GRID2: variants seen among roughly 807,000 people sequenced by gnomAD.
GRID2 encodes the protein glutamate receptor ionotropic, delta-2.
A neutral mutation model predicts 114.8 loss-of-function variants in GRID2; 33 were observed. That is an observed-to-expected ratio of 0.29 (90% CI 0.22 to 0.38). The LOEUF (loss-of-function observed/expected upper bound fraction) is 0.38, where lower values mean the gene tolerates loss of function less well. Among genes scored for constraint, GRID2 ranks in the 10% least tolerant of loss-of-function variants. The pLI is 1.00. For synonymous variants in GRID2, 505 were observed against 449.9 expected, an observed-to-expected ratio of 1.12 and a Z score of -1.55; for missense variants, 1,184 against 1,257.7, an observed-to-expected ratio of 0.94 and a Z score of 0.89.
chr4:93,273,116 G>T (rs1465977963), intron 8 of GRID2, among the ~76,000 whole-genome samples: 1 of 152,250 alleles, frequency 6.6e-6, no homozygotes, highest in African/African-American at 2.4e-5. Flanking sequence ...ATTTATATAT[G>T]TATTTATGCA....
intron 2 of GRID2, among the ~76,000 whole-genome samples, chr4:92,675,764 T>G (rs142320521): frequency 0.015 from 2,219 of 151,890 alleles, 51 homozygotes; most frequent in African/African-American, 0.051. Context: ...CCATGTTAGC[T>G]AGGATGGTTT....
intron 1 of GRID2, among the ~76,000 whole-genome samples, chr4:92,528,951 G>A (rs901904987): frequency 6.6e-6 from 1 of 151,854 alleles, no homozygotes; most frequent in East Asian, 1.9e-4. Context: ...ATACAGCAGA[G>A]TAATCTCCTT....
chr4:93,594,575 G>T, intron 13 of GRID2, among the ~76,000 whole-genome samples: 1 of 152,186 alleles, frequency 6.6e-6, no homozygotes, highest in East Asian at 1.9e-4. Flanking sequence ...GCTGTGGTGG[G>T]CTCCACCCAG....
intron 2 of GRID2, among the ~76,000 whole-genome samples, chr4:92,934,315 C>T (rs1750470035): frequency 6.6e-6 from 1 of 151,760 alleles, no homozygotes; most frequent in African/African-American, 2.4e-5. Context: ...GGAGTTCACT[C>T]ATGGTTTGGC....
chr4:92,518,155 C>T (rs539888254), intron 1 of GRID2, among the ~76,000 whole-genome samples: 6 of 151,746 alleles, frequency 4.0e-5, no homozygotes, highest in African/African-American at 1.4e-4. Flanking sequence ...CTCTTCATCC[C>T]CCTTTTTTTT....
At chr4:93,301,946 G>A (rs1187457024) in intron 8 of GRID2, among the ~76,000 whole-genome samples, 2 of 152,120 alleles carry the variant, frequency 1.3e-5, no homozygotes, top group Non-Finnish European at 2.9e-5. Context: ...AAGGCATTTT[G>A]TAAGAAGCTA....
intron 4 of GRID2, among the ~76,000 whole-genome samples, chr4:93,115,122 G>GTA (rs1491044050): frequency 6.6e-6 from 1 of 151,170 alleles, no homozygotes; most frequent in African/African-American, 2.4e-5. Context: ...GTGTGTGTGT[G>GTA]TATGATATAT....
chr4:92,452,247 C>G lies in GRID2; in HGVS notation c.89-137884C>G, dbSNP rs532442371. 5.9e-5 allele frequency among the ~76,000 whole-genome samples: 9 copies of G among 151,670 alleles called. No individual in the cohort carries two copies. In the East Asian group the frequency reaches 1.7e-3, roughly 29 times the overall value. ...TTTATAGTATATATGGAAATGTTCT[C>G]TATTATTAATGTCAACATTGCCTTT... On this transcript the variant is annotated intron_variant, in intron 1 of 15. Coordinates refer to ENST00000282020, the MANE Select transcript of GRID2 (RefSeq NM_001510.4).
chr4:93,538,476 T>C (rs1465993778), intron 13 of GRID2, among the ~76,000 whole-genome samples: 1 of 151,726 alleles, frequency 6.6e-6, no homozygotes, highest in Non-Finnish European at 1.5e-5. Context: ...ACTGCGTTCC[T>C]ACAGGAGCTT....
At chr4:92,985,180 T>C (rs1754431497) in intron 2 of GRID2, among the ~76,000 whole-genome samples, 1 of 151,992 alleles carries the variant, frequency 6.6e-6, no homozygotes, top group Non-Finnish European at 1.5e-5. Context: ...CCAAATGATA[T>C]TTTATTTTTA....
At chr4:93,602,487 G>T (rs555156014) in intron 13 of GRID2, among the ~76,000 whole-genome samples, 1 of 152,304 alleles carries the variant, frequency 6.6e-6, no homozygotes, top group East Asian at 1.9e-4. Context: ...TTTTGGTAAT[G>T]ATCACAAAGT....
chr4:93,436,193 C>T (rs1157857688), intron 10 of GRID2, among the ~76,000 whole-genome samples: 1 of 152,144 alleles, frequency 6.6e-6, no homozygotes, highest in Non-Finnish European at 1.5e-5. Flanking sequence ...CTCCATCTCT[C>T]AGCTGTGATT....
intron 13 of GRID2, among the ~76,000 whole-genome samples, chr4:93,532,128 T>C (rs576247718): frequency 6.6e-6 from 1 of 152,280 alleles, no homozygotes; most frequent in East Asian, 1.9e-4. Flanking sequence ...TAATTTGTAA[T>C]TTACCCCAAC....
chr4:92,912,968 TAGA>T (rs1371146230), intron 2 of GRID2, among the ~76,000 whole-genome samples: 2 of 151,874 alleles, frequency 1.3e-5, no homozygotes, highest in Non-Finnish European at 2.9e-5. Context: ...TATAAAAGTA[TAGA>T]AGATTTGTTT....
At position 93,424,209 on chromosome 4, in the gene GRID2, G is replaced by A. The variant is rs116327830; in HGVS notation, c.1545+1241G>A. 6.4e-3 allele frequency among the ~76,000 whole-genome samples: 957 copies of A among 150,244 alleles called. 7 individuals are homozygous for A. The highest frequency in any genetic ancestry group is 0.022 in the African/African-American group (903 of 40,924). On this transcript the variant is annotated intron_variant, in intron 10 of 15. Transcript: ENST00000282020. ...TTTAAATATTTATTGTCTTTTAAAG[G>A]TACAGAAAGAAAAAAAAAAAGACAG...
chr4:93,678,743 C>A (rs1725186484), intron 14 of GRID2, among the ~76,000 whole-genome samples: 1 of 150,852 alleles, frequency 6.6e-6, no homozygotes, highest in Non-Finnish European at 1.5e-5. Flanking sequence ...ATTTTGTCAC[C>A]AACAGGCCTG....
intron 2 of GRID2, among the ~76,000 whole-genome samples, chr4:92,921,743 G>A (rs551245702): frequency 4.6e-5 from 7 of 152,162 alleles, no homozygotes; most frequent in Non-Finnish European, 8.8e-5. Flanking sequence ...CGTGTGAGGT[G>A]TCAGTCTGCC....
intron 13 of GRID2, among the ~76,000 whole-genome samples, chr4:93,591,728 T>A (rs1465519908): frequency 1.3e-5 from 2 of 152,210 alleles, no homozygotes; most frequent in Non-Finnish European, 2.9e-5. Context: ...TTGCCACAAT[T>A]TCAGATCCTG....
intron 2 of GRID2, among the ~76,000 whole-genome samples, chr4:92,808,294 GT>G (rs1365151368): frequency 6.6e-6 from 1 of 151,966 alleles, no homozygotes; most frequent in Non-Finnish European, 1.5e-5. Flanking sequence ...ATGTATTCGT[GT>G]TGAGGTAAGC....
Sources: allele counts gnomAD v4.1 joint callset (sites outside exome capture counted in the v4.1 genomes callset), GRCh38; gene constraint gnomAD v4.1.1; transcripts MANE v1.5; gene names NCBI Gene and HGNC (gene_info 2026-07-23, HGNC 2026-07-21).